Variants in GALNT17 observed in about 807,000 individuals in gnomAD.
The protein encoded by GALNT17 is polypeptide N-acetylgalactosaminyltransferase 17, also known as UDP-GalNAc:polypeptide N-acetylgalactosaminyltransferase-like 3.
GALNT17 carries 29 observed loss-of-function variants against 63.7 expected under a neutral mutation model. That is an observed-to-expected ratio of 0.46 (90% CI 0.34 to 0.62). GALNT17 has a LOEUF of 0.62. Among genes scored for constraint, GALNT17 ranks in the 20% least tolerant of loss-of-function variants. GALNT17 has a pLI of 0.01. For synonymous variants in GALNT17, 305 were observed against 318.3 expected (o/e 0.96, Z 0.45); for missense variants, 603 against 799.6 (o/e 0.75, Z 2.97).
At chr7:71,155,213 C>G (rs887603019) in intron 1 of GALNT17, among the ~76,000 whole-genome samples, 5 of 151,802 alleles carry the variant, frequency 3.3e-5, no homozygotes, top group African/African-American at 1.2e-4. Flanking sequence ...ACCACAGTTC[C>G]TTATATTGTG....
chr7:71,475,385 G>C (rs114886338), intron 5 of GALNT17, among the ~76,000 whole-genome samples: 2,157 of 152,226 alleles, frequency 0.014, 57 homozygotes, highest in African/African-American at 0.049. Flanking sequence ...GTCCCTTCTG[G>C]GGGTGATGGG....
intron 5 of GALNT17, among the ~76,000 whole-genome samples, chr7:71,452,132 T>G (rs1218456341): frequency 6.6e-6 from 1 of 152,040 alleles, no homozygotes; most frequent in African/African-American, 2.4e-5. Context: ...AGTCCCAGCT[T>G]CTTGGGAGTC....
intron 9 of GALNT17, among the ~76,000 whole-genome samples, chr7:71,709,432 A>G (rs975259142): frequency 6.6e-6 from 1 of 152,200 alleles, no homozygotes; most frequent in Non-Finnish European, 1.5e-5. Context: ...GAACATTTTA[A>G]AAGAACGAAG....
At chr7:71,197,636 C>G (rs1789079563) in intron 1 of GALNT17, among the ~76,000 whole-genome samples, 3 of 152,100 alleles carry the variant, frequency 2.0e-5, no homozygotes, top group African/African-American at 7.2e-5. Flanking sequence ...CTTTTGCTCT[C>G]TATCTCCATG....
chr7:71,565,765 T>A (rs1355852391), intron 5 of GALNT17, among the ~76,000 whole-genome samples: 1 of 151,374 alleles, frequency 6.6e-6, no homozygotes, highest in African/African-American at 2.4e-5. Context: ...CAAACACAAA[T>A]CTCTGAGTCC....
intron 5 of GALNT17, among the ~76,000 whole-genome samples, chr7:71,503,302 G>T (rs543374808): frequency 6.6e-6 from 1 of 152,170 alleles, no homozygotes; most frequent in Non-Finnish European, 1.5e-5. Flanking sequence ...GTGCAGTGGC[G>T]TGATCTCAGC....
At chr7:71,318,311 G>A (rs545251169) in intron 1 of GALNT17, among the ~76,000 whole-genome samples, 1 of 152,244 alleles carries the variant, frequency 6.6e-6, no homozygotes, top group Admixed American at 6.5e-5. Context: ...GCTGATGTTG[G>A]AGACACAGTC....
chr7:71,133,887 A>C (rs1205739978), intron 1 of GALNT17, among the ~76,000 whole-genome samples: 1 of 152,158 alleles, frequency 6.6e-6, no homozygotes, highest in African/African-American at 2.4e-5. Flanking sequence ...GGGTTATCCA[A>C]GGCAGATACG....
intron 6 of GALNT17, among the ~76,000 whole-genome samples, chr7:71,580,437 A>G (rs145463213): frequency 6.6e-6 from 1 of 151,380 alleles, no homozygotes; most frequent in Non-Finnish European, 1.5e-5. Context: ...AGATAGATAG[A>G]TAGATAGATG....
intron 1 of GALNT17, among the ~76,000 whole-genome samples, chr7:71,262,664 C>CT (rs898007097): frequency 1.3e-4 from 19 of 146,580 alleles, no homozygotes; most frequent in African/African-American, 4.3e-4. Context: ...GACTGGTGTC[C>CT]TTTTTTTTTA....
chr7:71,634,816 G>C (rs967213866), intron 6 of GALNT17, among the ~76,000 whole-genome samples: 13 of 151,868 alleles, frequency 8.6e-5, no homozygotes, highest in Non-Finnish European at 8.8e-5. Context: ...GTCCAGAAAG[G>C]CTGGACAACT....
intron 5 of GALNT17, among the ~76,000 whole-genome samples, chr7:71,550,635 C>T (rs1789060909): frequency 1.3e-5 from 2 of 152,162 alleles, no homozygotes; most frequent in African/African-American, 4.8e-5. Context: ...CCCACCTCGG[C>T]CTCCCAAAGT....
chr7:71,588,450 G>T (rs974639334), intron 6 of GALNT17, among the ~76,000 whole-genome samples: 4 of 152,086 alleles, frequency 2.6e-5, no homozygotes, highest in Non-Finnish European at 4.4e-5. Context: ...AATTTTCTCT[G>T]TGTGATTATA....
intron 6 of GALNT17, among the ~76,000 whole-genome samples, chr7:71,658,979 C>G (rs1056347180): frequency 1.3e-5 from 2 of 152,170 alleles, no homozygotes; most frequent in Non-Finnish European, 2.9e-5. Flanking sequence ...AATAGCAAAG[C>G]ATTCTTGTTT....
intron 1 of GALNT17, among the ~76,000 whole-genome samples, chr7:71,147,266 CA>C (rs1788041023): frequency 6.6e-6 from 1 of 152,084 alleles, no homozygotes; most frequent in African/African-American, 2.4e-5. Context: ...GGCTTTTCTG[CA>C]AGTTTCAGGA....
intron 5 of GALNT17, among the ~76,000 whole-genome samples, chr7:71,542,679 G>C (rs953769047): frequency 7.4e-6 from 1 of 135,830 alleles, no homozygotes; most frequent in African/African-American, 2.8e-5. Flanking sequence ...CTGAGCGACA[G>C]AGTGAGACTC....
chr7:71,510,634 G>A (rs1049196570), intron 5 of GALNT17, among the ~76,000 whole-genome samples: 1 of 152,144 alleles, frequency 6.6e-6, no homozygotes, highest in African/African-American at 2.4e-5. Flanking sequence ...AGGGATGCAG[G>A]CCAGGTCCTG....
At chr7:71,329,949 ATG>A (rs937863644) in intron 1 of GALNT17, among the ~76,000 whole-genome samples, 34 of 138,326 alleles carry the variant, frequency 2.5e-4, no homozygotes, top group African/African-American at 4.8e-4. Context: ...ATACACACAT[ATG>A]TGTGTGTGTA....
At chr7:71,237,508 T>G (rs1789914448) in intron 1 of GALNT17, among the ~76,000 whole-genome samples, 1 of 114,528 alleles carries the variant, frequency 8.7e-6, no homozygotes, top group Non-Finnish European at 1.7e-5. Flanking sequence ...AGATCCCATC[T>G]CTGAAAAAAA....
Sources: allele counts gnomAD v4.1 joint callset (sites outside exome capture counted in the v4.1 genomes callset), GRCh38; gene constraint gnomAD v4.1.1; transcripts MANE v1.5; gene names NCBI Gene and HGNC (gene_info 2026-07-23, HGNC 2026-07-21).